The following RBMS3 variants were observed in gnomAD, a reference collection of about 807,000 sequenced individuals.
RBMS3 encodes RNA binding motif single stranded interacting protein 3.
RBMS3 carries 27 observed loss-of-function variants against 66.8 expected under a neutral mutation model. That is an observed-to-expected ratio of 0.40 (90% CI 0.30 to 0.56). RBMS3 has a LOEUF of 0.56. RBMS3 is among the 20% of genes least tolerant of loss of function. The probability of loss-of-function intolerance (pLI) is 0.40; values close to 1 mark genes in which losing one functional copy is unlikely to be tolerated. For missense variants in RBMS3, 513 were observed against 549.5 expected (o/e 0.93, Z 0.66); for synonymous variants, 188 against 183.0 (o/e 1.03, Z -0.22).
intron 3 of RBMS3, among the ~76,000 whole-genome samples, chr3:29,506,675 T>C (rs2044193351): frequency 1.3e-5 from 2 of 152,024 alleles, no homozygotes; most frequent in Admixed American, 1.3e-4. Flanking sequence ...CTTCTTTAAA[T>C]GTTTGTTAAC....
chr3:29,993,183 TTGTTAC>T (rs1206338049), intron 14 of RBMS3, among the ~76,000 whole-genome samples: 3 of 149,168 alleles, frequency 2.0e-5, no homozygotes, highest in Non-Finnish European at 2.9e-5. Flanking sequence ...TCAGAAAAGA[TTGTTAC>T]TGAGTAAAGC....
chr3:29,500,429 A>G (rs1301720773), intron 3 of RBMS3, among the ~76,000 whole-genome samples: 3 of 148,762 alleles, frequency 2.0e-5, no homozygotes, highest in Non-Finnish European at 4.5e-5. Flanking sequence ...ATATATATAT[A>G]TAATTTTATT....
At chr3:29,354,797 C>T (rs1317655320) in intron 1 of RBMS3, among the ~76,000 whole-genome samples, 1 of 152,104 alleles carries the variant, frequency 6.6e-6, no homozygotes, top group Non-Finnish European at 1.5e-5. Context: ...TTAGGCAATG[C>T]CAGTGTTGGC....
At chr3:29,539,062 A>G (rs554305984) in intron 3 of RBMS3, among the ~76,000 whole-genome samples, 3 of 152,320 alleles carry the variant, frequency 2.0e-5, no homozygotes, top group Non-Finnish European at 4.4e-5. Flanking sequence ...AAGAATGAAT[A>G]TAATCACAGA....
intron 6 of RBMS3, among the ~76,000 whole-genome samples, chr3:29,784,479 T>C (rs1204886676): frequency 1.3e-5 from 2 of 152,036 alleles, no homozygotes; most frequent in Non-Finnish European, 1.5e-5. Context: ...AAAAATTCTT[T>C]GAACTGAACA....
chr3:29,633,454 G>A (rs950226003), intron 4 of RBMS3, among the ~76,000 whole-genome samples: 3 of 151,752 alleles, frequency 2.0e-5, no homozygotes, highest in East Asian at 3.9e-4. Context: ...TCATTGTCTT[G>A]TATTTTGGAA....
intron 6 of RBMS3, among the ~76,000 whole-genome samples, chr3:29,838,287 C>T (rs1477978482): frequency 6.6e-6 from 1 of 151,512 alleles, no homozygotes; most frequent in Non-Finnish European, 1.5e-5. Flanking sequence ...TGCAGTGAGA[C>T]ATGAGTGTGC....
chr3:29,448,845 A>G (rs563532279), intron 2 of RBMS3, among the ~76,000 whole-genome samples: 1 of 152,338 alleles, frequency 6.6e-6, no homozygotes, highest in Non-Finnish European at 1.5e-5. Flanking sequence ...GAACTGAGGC[A>G]CTAAGAGGTT....
intron 6 of RBMS3, among the ~76,000 whole-genome samples, chr3:29,779,298 C>CAT (rs10681327): frequency 0.085 from 12,882 of 150,834 alleles, 626 homozygotes; most frequent in Non-Finnish European, 0.11. Flanking sequence ...TATATGTAAA[C>CAT]ATATATATAT....
chr3:29,579,623 C>T (rs2047254491), intron 3 of RBMS3, among the ~76,000 whole-genome samples: 1 of 152,178 alleles, frequency 6.6e-6, no homozygotes, highest in African/African-American at 2.4e-5. Context: ...TGGGCTTGCT[C>T]ATGCAGTCAC....
chr3:29,325,893 A>G (rs941694620), intron 1 of RBMS3, among the ~76,000 whole-genome samples: 1 of 152,018 alleles, frequency 6.6e-6, no homozygotes, highest in African/African-American at 2.4e-5. Flanking sequence ...ACTCTCTTTA[A>G]CTTCATTCTT....
intron 3 of RBMS3, among the ~76,000 whole-genome samples, chr3:29,567,396 T>C (rs2046781871): frequency 6.6e-6 from 1 of 152,196 alleles, no homozygotes; most frequent in Non-Finnish European, 1.5e-5. Flanking sequence ...TCAACCTACC[T>C]TCTTCACACT....
intron 6 of RBMS3, among the ~76,000 whole-genome samples, chr3:29,812,799 C>T (rs1354907473): frequency 6.6e-6 from 1 of 152,036 alleles, no homozygotes; most frequent in Admixed American, 6.6e-5. Flanking sequence ...GATGGAAAGA[C>T]GATGTCTCCT....
chr3:29,972,907 CT>C (rs1419178298), intron 12 of RBMS3, among the ~76,000 whole-genome samples: 2 of 152,014 alleles, frequency 1.3e-5, no homozygotes, highest in Non-Finnish European at 2.9e-5. Context: ...GTTCCTTTGT[CT>C]TTTTGATGAA....
intron 6 of RBMS3, among the ~76,000 whole-genome samples, chr3:29,778,977 C>T (rs2056522826): frequency 1.3e-5 from 2 of 151,788 alleles, no homozygotes; most frequent in Admixed American, 6.6e-5. Flanking sequence ...AACCTTCTTC[C>T]CTACATGATA....
chr3:29,435,117 G>T, intron 2 of RBMS3: 3 of 572,102 alleles, frequency 5.2e-6, no homozygotes, highest in South Asian at 2.7e-5. Context: ...TTGAGTGGAA[G>T]TTCTTGAGCA....
intron 10 of RBMS3, among the ~76,000 whole-genome samples, chr3:29,904,894 T>A (rs1490395261): frequency 6.6e-6 from 1 of 152,186 alleles, no homozygotes; most frequent in East Asian, 1.9e-4. Context: ...GAGGTACTGA[T>A]CTTTTCTTAT....
At chr3:29,360,001 C>T (rs1319342589) in intron 1 of RBMS3, among the ~76,000 whole-genome samples, 1 of 152,102 alleles carries the variant, frequency 6.6e-6, no homozygotes, top group Non-Finnish European at 1.5e-5. Context: ...AAACCAGCTC[C>T]TGGATTCATT....
chr3:29,770,437 A>G (rs1022384331), intron 6 of RBMS3, among the ~76,000 whole-genome samples: 47 of 152,094 alleles, frequency 3.1e-4, no homozygotes, highest in Admixed American at 7.2e-4. Context: ...ATAGTTACAT[A>G]TGAAGCACCA....
Sources: allele counts gnomAD v4.1 joint callset (sites outside exome capture counted in the v4.1 genomes callset), GRCh38; gene constraint gnomAD v4.1.1; transcripts MANE v1.5; gene names NCBI Gene and HGNC (gene_info 2026-07-23, HGNC 2026-07-21).